ROBO1: variants seen among roughly 807,000 people sequenced by gnomAD.
The protein encoded by ROBO1 is roundabout guidance receptor 1.
ROBO1 carries 149 observed loss-of-function variants against 195.9 expected under a neutral mutation model. That is an observed-to-expected ratio of 0.76 (90% CI 0.67 to 0.87). ROBO1 has a LOEUF of 0.87. Among genes scored for constraint, ROBO1 ranks in the 40% least tolerant of loss-of-function variants. ROBO1 has a pLI of 0.00. For missense variants in ROBO1, 1,933 were observed against 2,068.3 expected (o/e 0.93, Z 1.27); for synonymous variants, 816 against 733.2 (o/e 1.11, Z -1.82).
chr3:78,890,725 A>G (rs1417919663), intron 4 of ROBO1, among the ~76,000 whole-genome samples: 1 of 152,188 alleles, frequency 6.6e-6, no homozygotes, highest in Non-Finnish European at 1.5e-5. Context: ...TGCAATCTAA[A>G]TAAGTGGCTT....
At chr3:78,900,289 T>C (rs976695867) in intron 4 of ROBO1, among the ~76,000 whole-genome samples, 1 of 152,220 alleles carries the variant, frequency 6.6e-6, no homozygotes, top group African/African-American at 2.4e-5. Flanking sequence ...AATTTCTATA[T>C]TCCTCAATGT....
At chr3:79,543,605 G>T (rs1942157070) in intron 2 of ROBO1, among the ~76,000 whole-genome samples, 1 of 151,880 alleles carries the variant, frequency 6.6e-6, no homozygotes, top group Admixed American at 6.6e-5. Flanking sequence ...ATTAATGCTG[G>T]GTGAATAGTT....
chr3:78,740,021 G>A (rs151279114), intron 5 of ROBO1, among the ~76,000 whole-genome samples: 2,100 of 152,264 alleles, frequency 0.014, 12 homozygotes, highest in Non-Finnish European at 0.021. Context: ...CAATTTAGAT[G>A]TAGTGACTGC....
chr3:79,509,547 G>A (rs899322624), intron 2 of ROBO1, among the ~76,000 whole-genome samples: 17 of 152,050 alleles, frequency 1.1e-4, no homozygotes, highest in Middle Eastern at 3.4e-3. Flanking sequence ...AAATATTTCC[G>A]CCTTAATACA....
At chr3:79,273,773 C>T (rs2108979744) in intron 2 of ROBO1, among the ~76,000 whole-genome samples, 1 of 151,382 alleles carries the variant, frequency 6.6e-6, no homozygotes, top group African/African-American at 2.4e-5. Context: ...CACATTTCAC[C>T]TATAAAAGGT....
chr3:79,386,904 A>C (rs2106670679), intron 2 of ROBO1, among the ~76,000 whole-genome samples: 1 of 152,270 alleles, frequency 6.6e-6, no homozygotes, highest in South Asian at 2.1e-4. Flanking sequence ...GCATCAAAAA[A>C]AAGAGAAGAA....
intron 2 of ROBO1, among the ~76,000 whole-genome samples, chr3:79,351,122 C>T (rs907490528): frequency 5.3e-5 from 8 of 152,022 alleles, no homozygotes; most frequent in Non-Finnish European, 1.2e-4. Flanking sequence ...ATATGAATTA[C>T]ATATCAAAAA....
Position 79,088,290 on chromosome 3 carries a change from C to A in ROBO1, c.172+37166G>T, listed in dbSNP as rs551950102. ...TTAAACTGGATGGATTAATTTTACT[C>A]ATAAAAGTGATGTAGCGTTTATGCT... On this transcript the variant is annotated intron_variant, in intron 3 of 30. Transcript: ENST00000464233. Among the ~76,000 whole-genome samples, 4 of 152,226 alleles carry A rather than the reference C, an allele frequency of 2.6e-5. No homozygotes were observed. The South Asian group carries it at 8.3e-4, about 32-fold the overall frequency.
rs1392934228 is a variant in ROBO1, at chr3:78,606,859, C to T, written c.4618G>A (p.Val1540Ile). 2.5e-6 allele frequency: 4 copies of T among 1,613,746 alleles called. No homozygotes were observed. Among genetic ancestry groups the T allele is most frequent in the Non-Finnish European group, 3.4e-6 (4 of 1,179,874 alleles). Residue 1540 changes from valine (V) to isoleucine (I), a missense_variant, in exon 29 of 31, where the codon GTT becomes ATT. Around this residue, in one of 3 missense-constraint regions of ROBO1, gnomAD observed 1,737 missense variants for 1,882.5 expected, o/e 0.92. Coordinates refer to ENST00000464233, the MANE Select transcript of ROBO1 (RefSeq NM_002941.4). ...KGREVLDGRQ[V>I]VDMRTNPGDP... ...CCTGGATTTGTTCGCATGTCAACAA[C>T]CTGTCTTCCATCCAACACTTCTCTC...
At chr3:79,128,319 A>T (rs2080256177) in intron 2 of ROBO1, among the ~76,000 whole-genome samples, 1 of 152,122 alleles carries the variant, frequency 6.6e-6, no homozygotes, top group Non-Finnish European at 1.5e-5. Flanking sequence ...GCTGGGTTTT[A>T]TGTGTCTGTC....
Position 78,730,085 on chromosome 3 carries a change from G to A in ROBO1, c.658-12202C>T, listed in dbSNP as rs116918935. Among the ~76,000 whole-genome samples the A allele has an allele frequency of 2.5e-4, 38 of 152,232 alleles. 3 individuals are homozygous for A. In the East Asian group the frequency reaches 7.4e-3, roughly 29 times the overall value. ...ACAAGGGAATTATGACTATACTCTA[G>A]AAATAAAGATGACAAATGTTCATAG... On this transcript the variant is annotated intron_variant, in intron 5 of 30. Coordinates refer to ENST00000464233, the MANE Select transcript of ROBO1 (RefSeq NM_002941.4).
rs1940947292 is a variant in ROBO1 at position 79,516,439 on chromosome 3, G to A, written c.88+73385C>T. On this transcript the variant is annotated intron_variant, in intron 2 of 30. Coordinates refer to ENST00000464233, the MANE Select transcript of ROBO1 (RefSeq NM_002941.4). ...AGAATAAAAAGTTATGCAGTGGAAGGTCTCCTATTCACCGCTCTTCCTCTC... is the reference window on the plus strand; with the variant it reads ...AGAATAAAAAGTTATGCAGTGGAAGATCTCCTATTCACCGCTCTTCCTCTC... Among the ~76,000 whole-genome samples the A allele has an allele frequency of 2.0e-5, 3 of 152,042 alleles. No individual in the cohort carries two copies. In the South Asian group the frequency reaches 6.2e-4, roughly 32 times the overall value.
At chr3:79,305,144 A>G (rs1170027012) in intron 2 of ROBO1, among the ~76,000 whole-genome samples, 1 of 152,146 alleles carries the variant, frequency 6.6e-6, no homozygotes, top group Non-Finnish European at 1.5e-5. Context: ...AACAAATTCT[A>G]ACTCACACTT....
At chr3:79,221,078 T>C (rs2082129634) in intron 2 of ROBO1, among the ~76,000 whole-genome samples, 1 of 152,040 alleles carries the variant, frequency 6.6e-6, no homozygotes, top group Admixed American at 6.6e-5. Context: ...CTTCAGTTAA[T>C]ACTCTGAAAT....
intron 2 of ROBO1, among the ~76,000 whole-genome samples, chr3:79,479,157 ACT>A (rs1329432650): frequency 1.3e-5 from 2 of 152,084 alleles, no homozygotes; most frequent in Admixed American, 6.5e-5. Flanking sequence ...TGTAAATCAC[ACT>A]CTGTAAATAA....
chr3:78,663,897 C>G (rs773533057), intron 14 of ROBO1, among the ~76,000 whole-genome samples: 1 of 152,160 alleles, frequency 6.6e-6, no homozygotes, highest in Non-Finnish European at 1.5e-5. Flanking sequence ...AAAATCATCC[C>G]CCTTTCAGAA....
At chr3:78,979,558 C>T (rs1000732790) in intron 3 of ROBO1, among the ~76,000 whole-genome samples, 3 of 152,166 alleles carry the variant, frequency 2.0e-5, no homozygotes, top group Admixed American at 1.3e-4. Context: ...TTAAGAATCT[C>T]AGAGATTTGG....
intron 4 of ROBO1, among the ~76,000 whole-genome samples, chr3:78,909,223 A>G (rs2038101905): frequency 6.6e-6 from 1 of 151,924 alleles, no homozygotes; most frequent in South Asian, 2.1e-4. Flanking sequence ...TATTAGAAAT[A>G]TCAAAGATAT....
chr3:79,015,058 T>G (rs1415359016), intron 3 of ROBO1, among the ~76,000 whole-genome samples: 1 of 152,206 alleles, frequency 6.6e-6, no homozygotes, highest in Non-Finnish European at 1.5e-5. Flanking sequence ...ATATTTCATT[T>G]GTTGTAGCAA....
Sources: gnomAD v4.1 joint callset for allele counts (sites outside exome capture counted in the v4.1 genomes callset) on GRCh38, gnomAD v4.1.1 for gene constraint, gnomAD v4.1.1 regional missense constraint, MANE v1.5 for transcripts, NCBI Gene and HGNC (gene_info 2026-07-23, HGNC 2026-07-21) for gene names.